The following HIF1A variants were observed in gnomAD, a reference collection of about 807,000 sequenced individuals.
HIF1A encodes the protein hypoxia inducible factor 1 subunit alpha, also known as hypoxia-inducible factor 1-alpha.
In HIF1A, 24 loss-of-function variants were observed where a neutral mutation model predicts 92.7. The ratio of observed to expected loss-of-function variants is 0.26; its 90% CI spans 0.19 to 0.36. HIF1A has a LOEUF of 0.36. HIF1A is among the 10% of genes least tolerant of loss of function. HIF1A has a pLI of 1.00. For synonymous variants in HIF1A, 319 were observed against 338.7 expected (o/e 0.94, Z 0.64); for missense variants, 799 against 998.5 (o/e 0.80, Z 2.69).
intron 8 of HIF1A, 136 bp from the exon 9 acceptor site, chr14:61,736,753 G>A (rs1231594009): frequency 1.3e-5 from 8 of 629,360 alleles, no homozygotes; most frequent in Non-Finnish European, 2.3e-5. Flanking sequence ...ACGCATGAGT[G>A]ATCATGCATC....
chr14:61,708,005 G>A lies in HIF1A; in HGVS notation c.35+12166G>A, dbSNP rs548473337. ...CTTTTTAATGATCGCCATTCTAACT[G>A]GTGTGAGATGGTATCTCATTGTGGT... On this transcript the variant is annotated intron_variant, in intron 1 of 14. Transcript: ENST00000337138. Among the ~76,000 whole-genome samples, 220 of 151,582 alleles carry A rather than the reference G, an allele frequency of 1.5e-3. 1 individual carries two copies. Among genetic ancestry groups the A allele is most frequent in the African/African-American group, 5.1e-3 (212 of 41,484 alleles).
At chr14:61,704,654 A>G (rs1162622040) in intron 1 of HIF1A, among the ~76,000 whole-genome samples, 1 of 152,034 alleles carries the variant, frequency 6.6e-6, no homozygotes, top group East Asian at 1.9e-4. Flanking sequence ...CTGTGAATGG[A>G]TGAAGGGATA....
intron 1 of HIF1A, among the ~76,000 whole-genome samples, chr14:61,697,164 T>G (rs1041285107): frequency 1.3e-5 from 2 of 152,220 alleles, no homozygotes; most frequent in East Asian, 3.8e-4. Context: ...TCCTGCTGTT[T>G]TGTAGATCCC....
At chr14:61,713,518 G>A (rs2044330050) in intron 1 of HIF1A, among the ~76,000 whole-genome samples, 1 of 152,130 alleles carries the variant, frequency 6.6e-6, no homozygotes, top group Non-Finnish European at 1.5e-5. Context: ...TGGGAATAAA[G>A]CATTAGGTGA....
intron 8 of HIF1A, 59 bp downstream of exon 8, chr14:61,734,344 C>A: frequency 1.7e-6 from 2 of 1,178,782 alleles, no homozygotes; most frequent in Non-Finnish European, 2.4e-6. Flanking sequence ...TTTTTGGATA[C>A]TCTGTTCATT....
chr14:61,736,783 T>A, intron 8 of HIF1A, 106 bp from the exon 9 acceptor site: 1 of 704,614 alleles, frequency 1.4e-6, no homozygotes, highest in South Asian at 1.8e-5. Flanking sequence ...CTTGAAATGT[T>A]CCTGTCCATA....
chr14:61,702,273 CAAAAAAAAAA>C (rs34312928), intron 1 of HIF1A, among the ~76,000 whole-genome samples: 6 of 101,966 alleles, frequency 5.9e-5, no homozygotes, highest in Admixed American at 3.2e-4. Context: ...ACTAAAAATA[CAAAAAAAAAA>C]AAAAAAAAAT....
rs1337477415 is a variant in HIF1A, at chr14:61,734,206, G to A, written c.949G>A (p.Val317Ile). ...TGCCAAAAGAGGTGGATATGTCTGG[G>A]TTGAAACTCAAGCAACTGTCATATA... ...MLAKRGGYVW[V>I]ETQATVIYNT... The change falls in exon 8 of 15, where the codon GTT becomes ATT. Residue 317 changes from valine (V) to isoleucine (I), a missense_variant. Coordinates refer to ENST00000337138, the MANE Select transcript of HIF1A (RefSeq NM_001530.4). The A allele has an allele frequency of 6.2e-7, 1 of 1,612,760 alleles. No homozygotes were observed. The highest frequency in any genetic ancestry group is 1.1e-5 in the South Asian group (1 of 91,016).
chr14:61,726,611 AT>A (rs1426160795), intron 4 of HIF1A, 94 bp from the exon 5 acceptor site: 2 of 656,218 alleles, frequency 3.0e-6, no homozygotes, highest in Non-Finnish European at 5.3e-6. Context: ...TTGAACGGGT[AT>A]TCAGTTGATC....
At chr14:61,742,600 T>C (rs772753069) in intron 12 of HIF1A, among the ~76,000 whole-genome samples, 6 of 152,092 alleles carry the variant, frequency 3.9e-5, no homozygotes, top group Non-Finnish European at 5.9e-5. Context: ...TAAATGGTTG[T>C]TGAGGCAGGG....
Position 61,704,674 on chromosome 14 carries a change from A to G in HIF1A, c.35+8835A>G, listed in dbSNP as rs769176197. ...AATGGATGAAGGGATATTTTCTTGA[A>G]TAATTTAAGTTGACTTATTTCAGTG... On this transcript the variant is annotated intron_variant, in intron 1 of 14. Coordinates refer to ENST00000337138, the MANE Select transcript of HIF1A (RefSeq NM_001530.4). Among the ~76,000 whole-genome samples the G allele has an allele frequency of 5.1e-4, 78 of 152,320 alleles. 1 individual carries two copies. Among genetic ancestry groups the G allele is most frequent in the Non-Finnish European group, 8.2e-4 (56 of 67,994 alleles).
intron 1 of HIF1A, among the ~76,000 whole-genome samples, chr14:61,706,248 C>T (rs1030521185): frequency 6.6e-6 from 1 of 152,114 alleles, no homozygotes; most frequent in Admixed American, 6.5e-5. Flanking sequence ...AACAGTGATT[C>T]TTCACTCTTG....
chr14:61,705,275 A>C (rs902068475), intron 1 of HIF1A, among the ~76,000 whole-genome samples: 1 of 152,134 alleles, frequency 6.6e-6, no homozygotes, highest in African/African-American at 2.4e-5. Flanking sequence ...TCAAACACAG[A>C]AGGCTTGAGG....
intron 1 of HIF1A, among the ~76,000 whole-genome samples, chr14:61,711,207 C>CTTTTTTTTTTTTTTTTTTTTT (rs10615564): frequency 7.0e-5 from 6 of 86,124 alleles, no homozygotes; most frequent in African/African-American, 2.2e-4. Flanking sequence ...TTAAGTATTC[C>CTTTTTTTTTTTTTTTTTTTTT]TTTTTTTTTT....
chr14:61,741,003 A>C lies in HIF1A; in HGVS notation c.1908A>C (p.Lys636Asn), dbSNP rs778847629. The C allele has an allele frequency of 3.7e-6, 6 of 1,614,054 alleles. No individual in the cohort carries two copies. The highest frequency in any genetic ancestry group is 5.1e-6 in the Non-Finnish European group (6 of 1,180,006). The change falls in exon 12 of 15, where the codon AAA becomes AAC. Residue 636 changes from lysine to asparagine, a missense_variant. Coordinates refer to ENST00000337138, the MANE Select transcript of HIF1A (RefSeq NM_001530.4). Reference protein sequence around the residue: ...TVTKDRMEDIKILIASPSPTH... With the variant: ...TVTKDRMEDINILIASPSPTH... ...CAAAAGACCGTATGGAAGACATTAA[A>C]ATATTGATTGCATCTCCATCTCCTA...
At chr14:61,737,225 T>C in intron 9 of HIF1A, 116 bp downstream of exon 9, 2 of 690,534 alleles carry the variant, frequency 2.9e-6, no homozygotes, top group South Asian at 2.0e-5. Flanking sequence ...CAAGCTAATA[T>C]ATGTTTATAG....
At chr14:61,726,924 G>T in intron 5 of HIF1A, 106 bp downstream of exon 5, 1 of 595,974 alleles carries the variant, frequency 1.7e-6, no homozygotes, top group Non-Finnish European at 2.9e-6. Flanking sequence ...GTTCCATGGT[G>T]TTTGGTTATG....
intron 4 of HIF1A, among the ~76,000 whole-genome samples, chr14:61,724,888 TGAATATTTAGGCAG>T (rs1289640973): frequency 6.6e-6 from 1 of 152,226 alleles, no homozygotes; most frequent in African/African-American, 2.4e-5. Flanking sequence ...AGCCCCTTGT[TGAATATTTAGGCAG>T]GACTCCATGT....
chr14:61,709,438 A>G (rs1460205933), intron 1 of HIF1A, among the ~76,000 whole-genome samples: 1 of 152,196 alleles, frequency 6.6e-6, no homozygotes, highest in Non-Finnish European at 1.5e-5. Flanking sequence ...TGTGATATAG[A>G]TTTCATTTTC....
Sources: gnomAD v4.1 joint callset for allele counts (sites outside exome capture counted in the v4.1 genomes callset) on GRCh38, gnomAD v4.1.1 for gene constraint, MANE v1.5 for transcripts, NCBI Gene and HGNC (gene_info 2026-07-23, HGNC 2026-07-21) for gene names.